GALNT14: variants seen among roughly 807,000 people sequenced by gnomAD.
The protein encoded by GALNT14 is UDP-GalNAc:polypeptide N-acetylgalactosaminyltransferase 14.
A neutral mutation model predicts 77.5 loss-of-function variants in GALNT14; 60 were observed. That is an observed-to-expected ratio of 0.77 (90% CI 0.63 to 0.96). The LOEUF (loss-of-function observed/expected upper bound fraction) is 0.96. GALNT14 is among the 40% of genes least tolerant of loss of function. The pLI, the probability that GALNT14 is intolerant of heterozygous loss-of-function variation, is 0.00. For synonymous variants in GALNT14, 280 were observed against 281.7 expected, an observed-to-expected ratio of 0.99 and a Z score of 0.06; for missense variants, 710 against 731.0, an observed-to-expected ratio of 0.97 and a Z score of 0.33.
rs575393029 is a variant in GALNT14, at chr2:31,039,462, T to G, written c.130-46455A>C. On this transcript the variant is annotated intron_variant, in intron 1 of 14. Transcript: ENST00000349752. ...CCAAGTTCTCACAGTCAGTAAAGAC[T>G]CACTCTAAGACTTGAATCGGGCCGG... 3.0e-4 allele frequency among the ~76,000 whole-genome samples: 45 copies of G among 152,310 alleles called. 1 individual carries two copies. The South Asian group carries it at 8.7e-3, about 29-fold the overall frequency.
In GALNT14 at chr2:31,108,351, C is replaced by T. The variant is rs113277363; in HGVS notation, c.129+29607G>A. Among the ~76,000 whole-genome samples the T allele has an allele frequency of 2.9e-3, 439 of 152,306 alleles. 1 individual carries two copies. The highest frequency in any genetic ancestry group is 9.8e-3 in the African/African-American group (408 of 41,562). On this transcript the variant is annotated intron_variant, in intron 1 of 14. Coordinates refer to ENST00000349752, the MANE Select transcript of GALNT14 (RefSeq NM_024572.4). ...AATTTGCTTGCCAAGGACTAAGGAACGTATGAATGAAGTGTGAACAGTAAG... is the reference window on the plus strand; with the variant it reads ...AATTTGCTTGCCAAGGACTAAGGAATGTATGAATGAAGTGTGAACAGTAAG...
the GALNT14 span, among the ~76,000 whole-genome samples, chr2:30,900,742 G>A: frequency 6.6e-6 from 1 of 152,192 alleles, no homozygotes; most frequent in African/African-American, 2.4e-5. Flanking sequence ...AAAAACAAAT[G>A]GGAATTCAGA....
chr2:30,982,430 G>A (rs548869135), intron 2 of GALNT14, among the ~76,000 whole-genome samples: 33 of 152,274 alleles, frequency 2.2e-4, no homozygotes, highest in Non-Finnish European at 2.8e-4. Context: ...ACTGATAGTC[G>A]AGTAGATATA....
intron 11 of GALNT14, 26 bp downstream of exon 11, chr2:30,929,369 C>A: frequency 1.3e-6 from 2 of 1,587,846 alleles, no homozygotes; most frequent in Non-Finnish European, 1.7e-6. Flanking sequence ...CAGTCTCTGC[C>A]CTCCTCAACC....
rs13420651 is a variant in GALNT14, at chr2:30,954,357, T to C, written c.654+1261A>G. The stretch of plus-strand genomic sequence containing the variant: ...AAAAGAGTAGGAGAGGAGATTTTTC[T>C]TCTTCCTCTTTTTTGTTTTTGAGAC... On this transcript the variant is annotated intron_variant, in intron 6 of 14. Transcript: ENST00000349752. Among the ~76,000 whole-genome samples, 289 of 152,320 alleles carry C rather than the reference T, an allele frequency of 1.9e-3. 1 individual carries two copies. The highest frequency in any genetic ancestry group is 6.6e-3 in the African/African-American group (275 of 41,564).
intron 9 of GALNT14, among the ~76,000 whole-genome samples, chr2:30,939,173 A>T (rs1196947465): frequency 6.6e-6 from 1 of 152,236 alleles, no homozygotes; most frequent in Admixed American, 6.5e-5. Flanking sequence ...GCTGGGCGGC[A>T]GACACAGAAG....
At chr2:31,073,071 G>C (rs147027035) in intron 1 of GALNT14, 6 of 152,282 alleles carry the variant, frequency 3.9e-5, no homozygotes, top group African/African-American at 1.2e-4. Context: ...ACCTGGGATA[G>C]TACGTAAGGG....
chr2:31,129,069 TATAAC>T (rs766214395), intron 1 of GALNT14, among the ~76,000 whole-genome samples: 3 of 152,190 alleles, frequency 2.0e-5, no homozygotes, highest in East Asian at 3.9e-4. Flanking sequence ...AAAACAAACA[TATAAC>T]ATACACATAT....
At chr2:31,006,747 C>T (rs866481883) in intron 1 of GALNT14, among the ~76,000 whole-genome samples, 1 of 152,186 alleles carries the variant, frequency 6.6e-6, no homozygotes, top group Non-Finnish European at 1.5e-5. Context: ...CCCAAAGGTG[C>T]TAAACTGGAA....
chr2:31,065,042 G>A (rs1263994416), intron 1 of GALNT14: 1 of 151,294 alleles, frequency 6.6e-6, no homozygotes, highest in Non-Finnish European at 1.5e-5. Context: ...TGGGGGAGAT[G>A]GAGGAGTGGC....
chr2:30,962,591 G>A (rs927545161), intron 3 of GALNT14, among the ~76,000 whole-genome samples: 1 of 152,188 alleles, frequency 6.6e-6, no homozygotes, highest in East Asian at 1.9e-4. Context: ...TTCTCTCTAA[G>A]TGAGAATGTC....
At chr2:30,916,725 C>T (rs1664701685) in intron 13 of GALNT14, among the ~76,000 whole-genome samples, 1 of 152,144 alleles carries the variant, frequency 6.6e-6, no homozygotes, top group African/African-American at 2.4e-5. Flanking sequence ...CAGCACCCAG[C>T]CTGGGGCTTG....
At chr2:30,995,917 C>T (rs979475041) in intron 1 of GALNT14, among the ~76,000 whole-genome samples, 1 of 152,214 alleles carries the variant, frequency 6.6e-6, no homozygotes, top group Non-Finnish European at 1.5e-5. Context: ...ATCTGTGGTG[C>T]TGGAGATCCA....
intron 1 of GALNT14, among the ~76,000 whole-genome samples, chr2:30,995,432 G>A (rs1235148462): frequency 6.6e-6 from 1 of 152,106 alleles, no homozygotes. Context: ...TGTGTGGTAG[G>A]CTCTACCATC....
the GALNT14 span, among the ~76,000 whole-genome samples, chr2:30,900,037 G>A: frequency 6.6e-6 from 1 of 152,186 alleles, no homozygotes; most frequent in Non-Finnish European, 1.5e-5. Context: ...GTGTGGAGTT[G>A]GGGAAACCAA....
intron 1 of GALNT14, among the ~76,000 whole-genome samples, chr2:31,119,434 C>T (rs12621279): frequency 0.3 from 45,967 of 151,990 alleles, 7,875 homozygotes; most frequent in Admixed American, 0.38. Context: ...AGGGCAAGAT[C>T]CTTACATGCA....
At chr2:31,130,195 G>C (rs1043251673) in intron 1 of GALNT14, among the ~76,000 whole-genome samples, 4 of 152,232 alleles carry the variant, frequency 2.6e-5, no homozygotes, top group African/African-American at 9.6e-5. Context: ...AACCAGCATT[G>C]TCCAGGATGC....
chr2:30,963,312 A>C (rs965591233), intron 3 of GALNT14, among the ~76,000 whole-genome samples: 1 of 152,210 alleles, frequency 6.6e-6, no homozygotes, highest in South Asian at 2.1e-4. Context: ...CTGACGCCTG[A>C]TGCCTCTGCT....
intron 9 of GALNT14, 104 bp downstream of exon 9, chr2:30,942,097 A>G: frequency 2.7e-6 from 2 of 728,920 alleles, no homozygotes. Flanking sequence ...AGCACGTGTC[A>G]CTCTCTGACA....
Sources: allele counts gnomAD v4.1 joint callset (sites outside exome capture counted in the v4.1 genomes callset), GRCh38; gene constraint gnomAD v4.1.1; transcripts MANE v1.5; gene names NCBI Gene and HGNC (gene_info 2026-07-23, HGNC 2026-07-21).